CLINT1: variants seen among roughly 807,000 people sequenced by gnomAD.
CLINT1 encodes clathrin interactor 1.
Under a neutral mutation model 70.4 loss-of-function variants are expected in CLINT1, and 15 were observed. The ratio of observed to expected loss-of-function variants is 0.21; its 90% CI spans 0.14 to 0.33. The LOEUF (loss-of-function observed/expected upper bound fraction) is 0.33, where lower values mean the gene tolerates loss of function less well. Among genes scored for constraint, CLINT1 ranks in the 10% least tolerant of loss-of-function variants. The pLI is 1.00. For missense variants in CLINT1, 615 were observed against 778.1 expected (o/e 0.79, Z 2.49); for synonymous variants, 227 against 254.7 (o/e 0.89, Z 1.04).
Position 157,787,978 on chromosome 5 carries a change from T to C in CLINT1, c.1546A>G (p.Met516Val), listed in dbSNP as rs372173144. 180 of 1,608,104 alleles carry C rather than the reference T, an allele frequency of 1.1e-4. No homozygotes were observed. The highest frequency in any genetic ancestry group is 2.7e-5 in the Non-Finnish European group (32 of 1,176,872). ...MIQQQNMQQP[M>V]NVMTQSFGAV... Reference sequence around the variant, plus strand: ...CCAAAACTTTGAGTCATCACATTCATAGGCTGCTGCATATCTACCAGACGA... The same window carrying C: ...CCAAAACTTTGAGTCATCACATTCACAGGCTGCTGCATATCTACCAGACGA... Residue 516 changes from methionine to valine, a missense_variant, in exon 12 of 12, where the codon ATG becomes GTG. Physicochemically the swap from Met to Val is conservative, Grantham distance 21. This residue lies in a region of CLINT1 where 374 missense variants were observed against 409.6 expected (regional missense o/e 0.91). Transcript: ENST00000411809.
At chr5:157,812,222 G>C (rs1762585942) in intron 5 of CLINT1, among the ~76,000 whole-genome samples, 1 of 152,032 alleles carries the variant, frequency 6.6e-6, no homozygotes, top group Non-Finnish European at 1.5e-5. Flanking sequence ...GGAGATATGA[G>C]AGCTCAATAT....
chr5:157,823,443 C>T (rs1762936729), intron 1 of CLINT1, among the ~76,000 whole-genome samples: 1 of 152,070 alleles, frequency 6.6e-6, no homozygotes, highest in Non-Finnish European at 1.5e-5. Flanking sequence ...CTTCCAATAT[C>T]TTGTTTTATC....
chr5:157,843,344 C>T (rs1430549318), intron 1 of CLINT1, among the ~76,000 whole-genome samples: 3 of 152,104 alleles, frequency 2.0e-5, no homozygotes, highest in African/African-American at 7.2e-5. Flanking sequence ...AAATAATTTA[C>T]AAACAACAAG....
At chr5:157,839,635 A>G (rs111662080) in intron 1 of CLINT1, among the ~76,000 whole-genome samples, 1 of 151,086 alleles carries the variant, frequency 6.6e-6, no homozygotes, top group Non-Finnish European at 1.5e-5. Context: ...ACAAAAAAAA[A>G]CAGAACTTTG....
At chr5:157,826,297 C>T (rs371536675) in intron 1 of CLINT1, among the ~76,000 whole-genome samples, 98 of 152,264 alleles carry the variant, frequency 6.4e-4, no homozygotes, top group African/African-American at 2.4e-3. Context: ...TACATATCGT[C>T]ACCAAAGTCT....
At chr5:157,820,706 T>C (rs1201768869) in intron 1 of CLINT1, among the ~76,000 whole-genome samples, 1 of 152,144 alleles carries the variant, frequency 6.6e-6, no homozygotes, top group Admixed American at 6.5e-5. Flanking sequence ...AGTGACCTTT[T>C]TTAAAAAAGA....
chr5:157,815,431 C>G (rs1291368809), intron 3 of CLINT1, among the ~76,000 whole-genome samples: 1 of 152,132 alleles, frequency 6.6e-6, no homozygotes, highest in Non-Finnish European at 1.5e-5. Context: ...ACAGTAGTTA[C>G]TCCTACAAAA....
intron 10 of CLINT1, chr5:157,790,509 T>C (rs1452294337): frequency 5.7e-6 from 2 of 347,862 alleles, no homozygotes; most frequent in Non-Finnish European, 1.1e-5. Context: ...CAAAGAATTA[T>C]GACAGTTACA....
Position 157,791,894 on chromosome 5 carries a change from A to G in CLINT1, c.1189T>C (p.Ser397Pro). The G allele has an allele frequency of 6.2e-7, 1 of 1,613,952 alleles. No individual in the cohort carries two copies. The highest frequency in any genetic ancestry group is 8.5e-7 in the Non-Finnish European group (1 of 1,179,858). The change falls in exon 10 of 12, where the codon TCA (serine) becomes CCA (proline). Residue 397 changes from serine to proline, a missense_variant. Physicochemically the swap from Ser to Pro is moderately conservative, Grantham distance 74. Around this residue, in one of 2 missense-constraint regions of CLINT1, gnomAD observed 374 missense variants for 409.6 expected, o/e 0.91. Coordinates refer to ENST00000411809, the MANE Select transcript of CLINT1 (RefSeq NM_014666.4). The part of the protein sequence containing the change: ...ASSGEFFGSA[S>P]QPAVELVSGS... ...CTAACAAGTTCTACCGCTGGCTGTG[A>G]GGCACTGCCAAAGAACTCGCCACTG...
At position 157,816,458 on chromosome 5, in the gene CLINT1, T is replaced by C. The variant is rs548146946; in HGVS notation, c.243+276A>G. Among the ~76,000 whole-genome samples, 5 of 152,284 alleles carry C rather than the reference T, an allele frequency of 3.3e-5. No individual in the cohort carries two copies. The South Asian group carries it at 1.0e-3, about 32-fold the overall frequency. On this transcript the variant is annotated intron_variant, in intron 3 of 11. Coordinates refer to ENST00000411809, the MANE Select transcript of CLINT1 (RefSeq NM_014666.4). ...ACTAAACATGCACACTACTCTACTA[T>C]AGATTCATTATTTTTGATATGCACA...
intron 3 of CLINT1, among the ~76,000 whole-genome samples, chr5:157,816,360 T>C (rs1195371570): frequency 6.6e-6 from 1 of 152,188 alleles, no homozygotes; most frequent in African/African-American, 2.4e-5. Flanking sequence ...GAGAATACTA[T>C]CATAAATTAG....
chr5:157,811,876 A>G (rs1762571916), intron 5 of CLINT1, among the ~76,000 whole-genome samples: 1 of 152,224 alleles, frequency 6.6e-6, no homozygotes. Flanking sequence ...TAAAGTTACT[A>G]CTTGGGTAAA....
At chr5:157,844,142 CA>C (rs1413964037) in intron 1 of CLINT1, among the ~76,000 whole-genome samples, 1 of 152,064 alleles carries the variant, frequency 6.6e-6, no homozygotes, top group Non-Finnish European at 1.5e-5. Context: ...TATCCAATCT[CA>C]AAAACTAGAC....
In CLINT1 at chr5:157,791,987, T is replaced by C. The variant is rs1761927123; in HGVS notation, c.1096A>G (p.Thr366Ala). The C allele has an allele frequency of 1.9e-6, 3 of 1,612,896 alleles. No homozygotes were observed. The highest frequency in any genetic ancestry group is 2.2e-5 in the East Asian group (1 of 44,884). Residue 366 changes from threonine to alanine, a missense_variant, in exon 10 of 12, where the codon ACA becomes GCA. Physicochemically the swap from Thr to Ala is moderately conservative, Grantham distance 58. Coordinates refer to ENST00000411809, the MANE Select transcript of CLINT1 (RefSeq NM_014666.4). Reference protein sequence around the residue: ...SGSFPSQVTATSGNGDFGDWS... With the variant: ...SGSFPSQVTAASGNGDFGDWS... ...TCACCAAAGTCTCCATTCCCACTTG[T>C]TGCTGTTACTAAGACAGAAATAACT...
intron 8 of CLINT1, among the ~76,000 whole-genome samples, chr5:157,802,605 G>C (rs1762261457): frequency 6.6e-6 from 1 of 150,870 alleles, no homozygotes; most frequent in African/African-American, 2.4e-5. Context: ...GAGTGCAATG[G>C]CGCAATCTCC....
intron 1 of CLINT1, among the ~76,000 whole-genome samples, chr5:157,818,459 C>T (rs1762784370): frequency 7.4e-6 from 1 of 135,692 alleles, no homozygotes; most frequent in African/African-American, 2.9e-5. Flanking sequence ...ACAGTGAGAC[C>T]TGGTCTCTAA....
intron 1 of CLINT1, among the ~76,000 whole-genome samples, chr5:157,858,724 G>GT (rs1002732298): frequency 1.5e-4 from 23 of 151,826 alleles, no homozygotes; most frequent in African/African-American, 3.4e-4. Flanking sequence ...CCAAGAGGAT[G>GT]TTTTTTTTTA....
chr5:157,851,514 C>T (rs1581549721), intron 1 of CLINT1, among the ~76,000 whole-genome samples: 1 of 152,042 alleles, frequency 6.6e-6, no homozygotes, highest in East Asian at 1.9e-4. Flanking sequence ...TGCGGCAAAA[C>T]TCCATTTCTA....
At chr5:157,854,209 G>T (rs905912210) in intron 1 of CLINT1, among the ~76,000 whole-genome samples, 1 of 152,138 alleles carries the variant, frequency 6.6e-6, no homozygotes, top group African/African-American at 2.4e-5. Context: ...GAAAAGAAAA[G>T]AAAAATAATC....
Sources: gnomAD v4.1 joint callset for allele counts (sites outside exome capture counted in the v4.1 genomes callset) on GRCh38, gnomAD v4.1.1 for gene constraint, gnomAD v4.1.1 regional missense constraint, MANE v1.5 for transcripts, NCBI Gene and HGNC (gene_info 2026-07-23, HGNC 2026-07-21) for gene names.